UST: variants seen among roughly 807,000 people sequenced by gnomAD.
UST encodes uronyl 2-sulfotransferase.
A neutral mutation model predicts 45.6 loss-of-function variants in UST; 21 were observed. That is an observed-to-expected ratio of 0.46 (90% confidence interval 0.33 to 0.66). UST has a LOEUF of 0.66. UST is among the 30% of genes least tolerant of loss of function. The pLI, the probability that UST is intolerant of heterozygous loss-of-function variation, is 0.02. For missense variants in UST, 463 were observed against 512.4 expected (o/e 0.90, Z 0.93); for synonymous variants, 215 against 200.6 (o/e 1.07, Z -0.61).
chr6:148,964,608 G>A, intron 5 of UST, 45 bp downstream of exon 5: 1 of 1,603,872 alleles, frequency 6.2e-7, no homozygotes, highest in East Asian at 2.2e-5. Context: ...ACTGCCTGAG[G>A]AGTGGGCCCT....
chr6:148,847,754 G>A (rs538269474), intron 1 of UST, among the ~76,000 whole-genome samples: 1 of 152,344 alleles, frequency 6.6e-6, no homozygotes, highest in South Asian at 2.1e-4. Context: ...CTAATGAATA[G>A]TTTCAGGGGC....
intron 5 of UST, among the ~76,000 whole-genome samples, chr6:149,017,358 C>G (rs1208916660): frequency 6.7e-6 from 1 of 149,054 alleles, no homozygotes; most frequent in Non-Finnish European, 1.5e-5. Flanking sequence ...GCCTGGGGGA[C>G]AGCAAGACTC....
intron 1 of UST, among the ~76,000 whole-genome samples, chr6:148,847,439 A>C (rs750201059): frequency 1.3e-5 from 2 of 152,184 alleles, no homozygotes; most frequent in Non-Finnish European, 2.9e-5. Flanking sequence ...TGCTGTTATA[A>C]ATTTGTGTAA....
At chr6:148,761,834 C>T (rs1331201270) in intron 1 of UST, among the ~76,000 whole-genome samples, 5 of 152,118 alleles carry the variant, frequency 3.3e-5, no homozygotes, top group East Asian at 1.9e-4. Context: ...TTCAGCAGTG[C>T]GGGGTTAACA....
chr6:148,979,388 C>T (rs567062443), intron 5 of UST, among the ~76,000 whole-genome samples: 16 of 152,300 alleles, frequency 1.1e-4, no homozygotes, highest in Middle Eastern at 3.4e-3. Flanking sequence ...GCTTTAATTA[C>T]GGCAGCAGAT....
intron 1 of UST, among the ~76,000 whole-genome samples, chr6:148,749,637 A>C (rs1425974822): frequency 6.6e-6 from 1 of 152,210 alleles, no homozygotes; most frequent in African/African-American, 2.4e-5. Context: ...GGGAGGAGGA[A>C]GGAGCAAAGG....
At chr6:148,873,327 C>T (rs910401198) in intron 1 of UST, among the ~76,000 whole-genome samples, 2 of 151,796 alleles carry the variant, frequency 1.3e-5, no homozygotes, top group African/African-American at 4.8e-5. Context: ...GAGATGGGGG[C>T]CCCCATCTCA....
At chr6:149,041,903 G>C (rs889598063) in intron 7 of UST, among the ~76,000 whole-genome samples, 19 of 152,162 alleles carry the variant, frequency 1.2e-4, no homozygotes, top group African/African-American at 4.3e-4. Flanking sequence ...CAAAGATCTA[G>C]AATGATCTAG....
intron 5 of UST, among the ~76,000 whole-genome samples, chr6:149,003,439 CA>C (rs894290309): frequency 6.2e-5 from 8 of 129,230 alleles, no homozygotes; most frequent in African/African-American, 2.4e-4. Flanking sequence ...TGGTAAAAAA[CA>C]AAACAAAAAA....
At chr6:148,857,133 T>A (rs942229800) in intron 1 of UST, among the ~76,000 whole-genome samples, 1 of 152,066 alleles carries the variant, frequency 6.6e-6, no homozygotes, top group African/African-American at 2.4e-5. Flanking sequence ...ATTAACAACA[T>A]CTTGAAATTG....
Position 149,063,128 on chromosome 6 carries a change from TC to T in UST, c.938-10701del, listed in dbSNP as rs566192144. 5.9e-5 allele frequency among the ~76,000 whole-genome samples: 9 copies of T among 152,164 alleles called. No individual in the cohort carries two copies. The South Asian group carries it at 1.9e-3, about 32-fold the overall frequency. Reference sequence around the variant, plus strand: ...ACTCTGTAGTGTCCCTGCCACTCCCTCCCCAGGGACAGCGCAGAGCCTGGAA... The same window carrying T: ...ACTCTGTAGTGTCCCTGCCACTCCCTCCCAGGGACAGCGCAGAGCCTGGAA... On this transcript the variant is annotated intron_variant, in intron 7 of 7. Coordinates refer to ENST00000367463, the MANE Select transcript of UST (RefSeq NM_005715.3).
intron 2 of UST, among the ~76,000 whole-genome samples, chr6:148,916,288 A>G (rs9390632): frequency 0.8 from 122,234 of 152,152 alleles, 49,171 homozygotes; most frequent in Admixed American, 0.83. Context: ...GGGATGCTGC[A>G]GGTAAGAGCT....
chr6:148,915,634 A>G (rs9377174), intron 2 of UST, among the ~76,000 whole-genome samples: 61,459 of 152,104 alleles, frequency 0.4, 12,885 homozygotes, highest in South Asian at 0.58. Flanking sequence ...AACGATAAAC[A>G]TCCATTACAT....
intron 1 of UST, among the ~76,000 whole-genome samples, chr6:148,805,127 C>T (rs1035153788): frequency 6.6e-6 from 1 of 152,060 alleles, no homozygotes; most frequent in African/African-American, 2.4e-5. Context: ...TAAAGTAGAC[C>T]ATTTCGTATA....
intron 1 of UST, among the ~76,000 whole-genome samples, chr6:148,832,830 T>A (rs1777714803): frequency 6.6e-6 from 1 of 152,234 alleles, no homozygotes; most frequent in Non-Finnish European, 1.5e-5. Context: ...TCAAAACTCC[T>A]GAAGTATTAT....
intron 1 of UST, among the ~76,000 whole-genome samples, chr6:148,793,118 A>G (rs1776881967): frequency 6.6e-6 from 1 of 152,188 alleles, no homozygotes; most frequent in Non-Finnish European, 1.5e-5. Flanking sequence ...TTTAATATTA[A>G]GAGAAACAAG....
At chr6:148,825,318 T>C (rs1237899351) in intron 1 of UST, among the ~76,000 whole-genome samples, 1 of 152,212 alleles carries the variant, frequency 6.6e-6, no homozygotes, top group East Asian at 1.9e-4. Flanking sequence ...AATTGCTTGT[T>C]TGGCTTCAGT....
chr6:148,769,815 G>A (rs543683399), intron 1 of UST, among the ~76,000 whole-genome samples: 116 of 151,144 alleles, frequency 7.7e-4, no homozygotes, highest in African/African-American at 2.7e-3. Flanking sequence ...AAATTCTGCC[G>A]CTAGGCATTC....
At chr6:149,043,433 A>T (rs970499624) in intron 7 of UST, among the ~76,000 whole-genome samples, 2 of 152,190 alleles carry the variant, frequency 1.3e-5, no homozygotes, top group Non-Finnish European at 2.9e-5. Flanking sequence ...ATCAGAAAAA[A>T]ATTTCATATT....
Sources: gnomAD v4.1 joint callset for allele counts (sites outside exome capture counted in the v4.1 genomes callset) on GRCh38, gnomAD v4.1.1 for gene constraint, MANE v1.5 for transcripts, NCBI Gene and HGNC (gene_info 2026-07-23, HGNC 2026-07-21) for gene names.